The following SEC23B variants were observed in gnomAD, a reference collection of about 807,000 sequenced individuals.
The protein encoded by SEC23B is SEC23 homolog B, COPII component.
In SEC23B, 77 loss-of-function variants were observed where a neutral mutation model predicts 104.3. The ratio of observed to expected loss-of-function variants is 0.74; its 90% CI spans 0.61 to 0.89. The LOEUF (loss-of-function observed/expected upper bound fraction) is 0.89, where lower values mean the gene tolerates loss of function less well. Among genes scored for constraint, SEC23B ranks in the 40% least tolerant of loss-of-function variants. The pLI is 0.00. For synonymous variants in SEC23B, 338 were observed against 332.5 expected, an observed-to-expected ratio of 1.02 and a Z score of -0.18; for missense variants, 885 against 949.4, an observed-to-expected ratio of 0.93 and a Z score of 0.89.
At chr20:18,526,260 CT>C in intron 7 of SEC23B, 112 bp from the exon 8 acceptor site, 3 of 1,255,964 alleles carry the variant, frequency 2.4e-6, no homozygotes, top group Non-Finnish European at 2.3e-6. Flanking sequence ...ATTATCACCA[CT>C]TTTTAGGACA....
At chr20:18,524,105 C>T (rs1350865732) in intron 4 of SEC23B, among the ~76,000 whole-genome samples, 1 of 152,190 alleles carries the variant, frequency 6.6e-6, no homozygotes, top group African/African-American at 2.4e-5. Context: ...CCCCCTTAAC[C>T]TCTCCATTCC....
At chr20:18,515,040 T>G (rs553404751) in intron 3 of SEC23B, among the ~76,000 whole-genome samples, 1 of 152,292 alleles carries the variant, frequency 6.6e-6, no homozygotes, top group African/African-American at 2.4e-5. Flanking sequence ...TGGCTAGGCA[T>G]GGTGGCTTAT....
At chr20:18,513,273 G>A (rs1394182472) in intron 3 of SEC23B, among the ~76,000 whole-genome samples, 3 of 152,092 alleles carry the variant, frequency 2.0e-5, no homozygotes, top group Admixed American at 6.5e-5. Flanking sequence ...GCTTGAACCC[G>A]GGAGGTGGAG....
chr20:18,515,940 T>A (rs1038812516), intron 4 of SEC23B: 30 of 570,182 alleles, frequency 5.3e-5, no homozygotes, highest in Non-Finnish European at 8.5e-5. Flanking sequence ...AAGGTAGAAC[T>A]GATTAAATTC....
In SEC23B at chr20:18,555,182, T is replaced by C. The variant is rs991037872; in HGVS notation, c.2214+9T>C. On this transcript the variant is annotated intron_variant, in intron 19 of 19. Coordinates refer to ENST00000650089, the MANE Select transcript of SEC23B (RefSeq NM_006363.6). ...TGTATGCTTGGGGACAGGTAAGAAA[T>C]CTTCAGGTATTTGGGGAGGATGCTA... 1.2e-6 allele frequency: 2 copies of C among 1,607,926 alleles called. No individual in the cohort carries two copies. Among genetic ancestry groups the C allele is most frequent in the African/African-American group, 2.7e-5 (2 of 74,746 alleles).
At position 18,561,345 on chromosome 20, in the gene SEC23B, A is replaced by C. The variant is rs1237198306; in HGVS notation, c.*605A>C. On this transcript the variant is annotated 3_prime_UTR_variant, in exon 20 of 20. Coordinates refer to ENST00000650089, the MANE Select transcript of SEC23B (RefSeq NM_006363.6). Reference sequence around the variant, plus strand: ...TCTCCTTACAAGATTTTTGTTGTTGATGTATTTAATTTTAGCCCATGTCTC... The same window carrying C: ...TCTCCTTACAAGATTTTTGTTGTTGCTGTATTTAATTTTAGCCCATGTCTC... 6.6e-6 allele frequency: 1 copy of C among 152,594 alleles called. No homozygotes were observed. The highest frequency in any genetic ancestry group is 2.4e-5 in the African/African-American group (1 of 41,448). The allele number at this position is 152,594 out of a possible 1,614,324, so 9.5% of individuals were successfully genotyped here. A position where few individuals can be genotyped will look rare whatever the true frequency, so the allele number is the denominator to read the frequency against.
chr20:18,516,483 T>A (rs1449098811), intron 4 of SEC23B, among the ~76,000 whole-genome samples: 2 of 152,106 alleles, frequency 1.3e-5, no homozygotes, highest in African/African-American at 2.4e-5. Flanking sequence ...GTAATGTGCT[T>A]TGAAATTAGA....
chr20:18,511,914 T>A (rs1016780689), intron 2 of SEC23B, among the ~76,000 whole-genome samples: 2 of 152,124 alleles, frequency 1.3e-5, no homozygotes, highest in Non-Finnish European at 2.9e-5. Flanking sequence ...TATGTTAAGA[T>A]AAAAGGCAAG....
At position 18,530,813 on chromosome 20, in the gene SEC23B, A is replaced by G. The variant is rs1370135230; in HGVS notation, c.1233+10A>G. On this transcript the variant is annotated intron_variant, in intron 10 of 19. Coordinates refer to ENST00000650089, the MANE Select transcript of SEC23B (RefSeq NM_006363.6). Reference sequence around the variant, plus strand: ...TACTTTGGACGTAAAGGTACGGTAAACTTTTTTTTTTTTTTATGTGGACTC... The same window carrying G: ...TACTTTGGACGTAAAGGTACGGTAAGCTTTTTTTTTTTTTTATGTGGACTC... 3 of 1,572,534 alleles carry G rather than the reference A, an allele frequency of 1.9e-6. 1 individual carries two copies. The highest frequency in any genetic ancestry group is 2.3e-5 in the South Asian group (2 of 87,886).
intron 12 of SEC23B, among the ~76,000 whole-genome samples, chr20:18,539,370 T>A (rs1352982581): frequency 6.7e-6 from 1 of 148,954 alleles, no homozygotes; most frequent in Non-Finnish European, 1.5e-5. Flanking sequence ...ATTAGCTGGG[T>A]GTGGTGGCGG....
intron 3 of SEC23B, among the ~76,000 whole-genome samples, chr20:18,513,597 C>T (rs2059999765): frequency 6.6e-6 from 1 of 152,190 alleles, no homozygotes; most frequent in Non-Finnish European, 1.5e-5. Flanking sequence ...TACAATTACT[C>T]ATTCTCAGAT....
rs542414437 is a variant in SEC23B at position 18,531,073 on chromosome 20, TA to T, written c.1233+274del. 4.1e-3 allele frequency among the ~76,000 whole-genome samples: 628 copies of T among 152,386 alleles called. 1 individual carries two copies. The highest frequency in any genetic ancestry group is 0.014 in the Middle Eastern group (4 of 294). The stretch of plus-strand genomic sequence containing the variant: ...AAAAGGATCTCAACCAAATGGCTAT[TA>T]AAAGCATGTTATTCACTTTATCCCT... On this transcript the variant is annotated intron_variant, in intron 10 of 19. Transcript: ENST00000650089.
chr20:18,518,597 T>TGTTTTTG (rs2060054828), intron 4 of SEC23B, among the ~76,000 whole-genome samples: 2 of 145,922 alleles, frequency 1.4e-5, no homozygotes, highest in Non-Finnish European at 3.0e-5. Context: ...TTTTTTTTTT[T>TGTTTTTG]TTTTTTTTGT....
intron 16 of SEC23B, among the ~76,000 whole-genome samples, chr20:18,550,531 C>G (rs1488503139): frequency 6.6e-6 from 1 of 152,158 alleles, no homozygotes; most frequent in Non-Finnish European, 1.5e-5. Context: ...CGTATTCTGT[C>G]TCATCTACAG....
chr20:18,541,613 G>A (rs1290555354), intron 12 of SEC23B, among the ~76,000 whole-genome samples: 1 of 152,200 alleles, frequency 6.6e-6, no homozygotes, highest in Non-Finnish European at 1.5e-5. Context: ...TGAGGGAAAG[G>A]TCAGTCAGTG....
At chr20:18,555,444 A>T (rs1025161310) in intron 19 of SEC23B, among the ~76,000 whole-genome samples, 5 of 151,988 alleles carry the variant, frequency 3.3e-5, no homozygotes, top group African/African-American at 9.7e-5. Context: ...TGTGGCCTCC[A>T]TGGTGGTGTC....
At chr20:18,528,394 T>C (rs1808018217) in intron 9 of SEC23B, among the ~76,000 whole-genome samples, 1 of 152,210 alleles carries the variant, frequency 6.6e-6, no homozygotes, top group South Asian at 2.1e-4. Flanking sequence ...TTTAAAAGTT[T>C]CTCCCGTGAT....
intron 16 of SEC23B, 112 bp from the exon 17 acceptor site, chr20:18,550,977 T>G: frequency 1.3e-6 from 1 of 767,740 alleles, no homozygotes; most frequent in Admixed American, 1.7e-5. Context: ...GGGCACCATT[T>G]GTAAATAGCC....
rs1161305301 is a variant in SEC23B at position 18,557,741 on chromosome 20, TTTTC to T, written c.2214+2572_2214+2575del. 6.7e-5 allele frequency among the ~76,000 whole-genome samples: 5 copies of T among 74,906 alleles called. No homozygotes were observed. The East Asian group carries it at 1.6e-3, about 25-fold the overall frequency. The allele number at this position is 74,906 out of a possible 152,430, so 49.1% of individuals were successfully genotyped here. ...TTAGCCATTCTTTTTTTCTTTTTTC[TTTTC>T]TTTTTTTTTTTTTTTTGTTTTTTTG... On this transcript the variant is annotated intron_variant, in intron 19 of 19. Coordinates refer to ENST00000650089, the MANE Select transcript of SEC23B (RefSeq NM_006363.6).
Sources: allele counts gnomAD v4.1 joint callset (sites outside exome capture counted in the v4.1 genomes callset), GRCh38; gene constraint gnomAD v4.1.1; transcripts MANE v1.5; gene names NCBI Gene and HGNC (gene_info 2026-07-23, HGNC 2026-07-21).